PRDM1: variants seen among roughly 807,000 people sequenced by gnomAD.
The protein encoded by PRDM1 is PR/SET domain 1.
A neutral mutation model predicts 62.8 loss-of-function variants in PRDM1; 13 were observed. That is an observed-to-expected ratio of 0.21 (90% confidence interval 0.13 to 0.33). The LOEUF (loss-of-function observed/expected upper bound fraction) is 0.33, where lower values mean the gene tolerates loss of function less well. PRDM1 is among the 10% of genes least tolerant of loss of function. The probability of loss-of-function intolerance (pLI) is 1.00; values close to 1 mark genes in which losing one functional copy is unlikely to be tolerated. For synonymous variants in PRDM1, 396 were observed against 417.6 expected (o/e 0.95, Z 0.63); for missense variants, 895 against 1,058.8 (o/e 0.85, Z 2.15).
At chr6:106,027,972 C>T (rs183133198) in intron 1 of PRDM1, among the ~76,000 whole-genome samples, 1 of 152,308 alleles carries the variant, frequency 6.6e-6, no homozygotes, top group East Asian at 1.9e-4. Flanking sequence ...TTCCTCAGTG[C>T]AAGATCAGCT....
intron 1 of PRDM1, among the ~76,000 whole-genome samples, chr6:106,006,116 G>C (rs1246086327): frequency 2.6e-5 from 4 of 152,192 alleles, no homozygotes; most frequent in Non-Finnish European, 5.9e-5. Context: ...ATTCCTCTGA[G>C]CATGGAAAGT....
chr6:106,060,503 A>G (rs1268239578), intron 1 of PRDM1, among the ~76,000 whole-genome samples: 1 of 152,172 alleles, frequency 6.6e-6, no homozygotes, highest in Non-Finnish European at 1.5e-5. Flanking sequence ...CTCGAGTACT[A>G]GGGATTGGCA....
intron 1 of PRDM1, among the ~76,000 whole-genome samples, chr6:106,029,527 C>A (rs552265074): frequency 3.3e-5 from 5 of 152,118 alleles, no homozygotes; most frequent in African/African-American, 1.2e-4. Flanking sequence ...CATGTTGTTG[C>A]GTGGATCAAG....
upstream of PRDM1, among the ~76,000 whole-genome samples, chr6:106,085,402 CTGAAGGCACAAGACCAT>C (rs2114612776): frequency 6.6e-6 from 1 of 152,168 alleles, no homozygotes; most frequent in East Asian, 1.9e-4. Context: ...GGATTCCTTG[CTGAAGGCACAAGACCAT>C]TGAAGGAAGT....
chr6:106,059,387 G>A (rs1354707507), intron 1 of PRDM1, among the ~76,000 whole-genome samples: 1 of 152,138 alleles, frequency 6.6e-6, no homozygotes, highest in Non-Finnish European at 1.5e-5. Flanking sequence ...TCAAAGGTGG[G>A]AATGTGCTTG....
intron 1 of PRDM1, among the ~76,000 whole-genome samples, chr6:106,035,302 C>G (rs942468951): frequency 1.3e-5 from 2 of 152,144 alleles, no homozygotes; most frequent in Non-Finnish European, 2.9e-5. Flanking sequence ...ATACATCCTT[C>G]TTCGTCTCTT....
At chr6:106,069,038 C>T (rs1291063690) in intron 1 of PRDM1, among the ~76,000 whole-genome samples, 3 of 152,246 alleles carry the variant, frequency 2.0e-5, no homozygotes, top group Non-Finnish European at 2.9e-5. Flanking sequence ...GGATAGACTT[C>T]GGATTGGCCA....
intron 1 of PRDM1, among the ~76,000 whole-genome samples, chr6:106,025,892 G>A (rs566226222): frequency 1.3e-5 from 2 of 152,256 alleles, no homozygotes; most frequent in East Asian, 3.9e-4. Context: ...CTCATATACA[G>A]GGGACTCATA....
chr6:106,042,947 T>C (rs937335824), intron 1 of PRDM1, among the ~76,000 whole-genome samples: 5 of 152,230 alleles, frequency 3.3e-5, no homozygotes, highest in South Asian at 2.1e-4. Flanking sequence ...ACCTCCCGTA[T>C]TCAAGAGATT....
intron 1 of PRDM1, among the ~76,000 whole-genome samples, chr6:106,022,124 A>G (rs1772703535): frequency 1.3e-5 from 2 of 152,248 alleles, no homozygotes; most frequent in Non-Finnish European, 2.9e-5. Flanking sequence ...CACCAACATA[A>G]TGGTACTTCC....
At chr6:106,058,054 T>G (rs1186760548) in intron 1 of PRDM1, among the ~76,000 whole-genome samples, 1 of 152,210 alleles carries the variant, frequency 6.6e-6, no homozygotes, top group Non-Finnish European at 1.5e-5. Context: ...CTTCACCTCC[T>G]TGGCCTATTC....
chr6:106,066,549 C>G (rs1265970358), intron 1 of PRDM1, among the ~76,000 whole-genome samples: 2 of 152,182 alleles, frequency 1.3e-5, no homozygotes, highest in African/African-American at 4.8e-5. Flanking sequence ...GTTTAAGATT[C>G]TTGCATCCAA....
At chr6:106,073,153 C>T (rs1442796800) in intron 1 of PRDM1, among the ~76,000 whole-genome samples, 1 of 143,070 alleles carries the variant, frequency 7.0e-6, no homozygotes, top group Non-Finnish European at 1.5e-5. Flanking sequence ...CTCACTCTGT[C>T]GCCCAGGCTG....
intron 1 of PRDM1, among the ~76,000 whole-genome samples, chr6:106,036,400 A>G (rs1772926464): frequency 6.6e-6 from 1 of 152,064 alleles, no homozygotes; most frequent in Admixed American, 6.6e-5. Context: ...AAACATTTTA[A>G]TTTGCATTTA....
chr6:106,009,020 A>G (rs909264202), intron 1 of PRDM1, among the ~76,000 whole-genome samples: 2 of 152,132 alleles, frequency 1.3e-5, no homozygotes, highest in Non-Finnish European at 2.9e-5. Flanking sequence ...GCAACTGAAC[A>G]CAGGCCCCTC....
chr6:106,028,619 A>G (rs888284525), intron 1 of PRDM1, among the ~76,000 whole-genome samples: 5 of 152,172 alleles, frequency 3.3e-5, no homozygotes, highest in Non-Finnish European at 7.4e-5. Flanking sequence ...TTATTTTTCT[A>G]CCTTATTAAG....
At chr6:106,089,789 A>G (rs1162896711) in intron 2 of PRDM1, among the ~76,000 whole-genome samples, 2 of 152,186 alleles carry the variant, frequency 1.3e-5, no homozygotes, top group African/African-American at 4.8e-5. Context: ...GTTTGGGTAT[A>G]TGAGGTTTGA....
At chr6:106,043,008 G>A (rs1180468101) in intron 1 of PRDM1, among the ~76,000 whole-genome samples, 9 of 151,860 alleles carry the variant, frequency 5.9e-5, no homozygotes, top group Admixed American at 1.3e-4. Context: ...GTGCCACCAC[G>A]CCCGGCTAAT....
At chr6:105,993,457 G>T (rs1236117108), upstream of PRDM1, among the ~76,000 whole-genome samples, 1 of 152,162 alleles carries the variant, frequency 6.6e-6, no homozygotes, top group African/African-American at 2.4e-5. Context: ...CTGCTTTGAC[G>T]TTTCTCCTCG....
Sources: allele counts gnomAD v4.1 joint callset (sites outside exome capture counted in the v4.1 genomes callset), GRCh38; gene constraint gnomAD v4.1.1; transcripts MANE v1.5; gene names NCBI Gene and HGNC (gene_info 2026-07-23, HGNC 2026-07-21).